The following PPFIA2 variants were observed in gnomAD, a reference collection of about 807,000 sequenced individuals.
The protein encoded by PPFIA2 is liprin-alpha-2.
Under a neutral mutation model 175.5 loss-of-function variants are expected in PPFIA2, and 46 were observed. That is an observed-to-expected ratio of 0.26 (90% CI 0.21 to 0.34). The LOEUF (loss-of-function observed/expected upper bound fraction) is 0.34, where lower values mean the gene tolerates loss of function less well. Ranked by LOEUF, PPFIA2 falls within the 10% of genes least tolerant of loss-of-function variation. The pLI, the probability that PPFIA2 is intolerant of heterozygous loss-of-function variation, is 1.00. For missense variants in PPFIA2, 1,179 were observed against 1,506.1 expected, an observed-to-expected ratio of 0.78 and a Z score of 3.60; for synonymous variants, 568 against 511.4, an observed-to-expected ratio of 1.11 and a Z score of -1.49.
chr12:81,369,005 G>C (rs1161361030), intron 12 of PPFIA2, 106 bp downstream of exon 12: 3 of 1,271,086 alleles, frequency 2.4e-6, no homozygotes, highest in Non-Finnish European at 3.2e-6. Context: ...GGTCATATTT[G>C]TAAGTTTTAA....
intron 22 of PPFIA2, among the ~76,000 whole-genome samples, chr12:81,309,406 A>G (rs967183716): frequency 2.0e-5 from 3 of 152,138 alleles, no homozygotes; most frequent in African/African-American, 7.2e-5. Flanking sequence ...ACAAATTCCA[A>G]TCAGTTGCTT....
intron 4 of PPFIA2, among the ~76,000 whole-genome samples, chr12:81,574,409 T>C (rs929046062): frequency 6.6e-5 from 10 of 151,794 alleles, no homozygotes; most frequent in African/African-American, 2.4e-4. Context: ...AGTTTTGATA[T>C]TCCTTGTATT....
intron 4 of PPFIA2, among the ~76,000 whole-genome samples, chr12:81,481,929 G>C (rs1489496330): frequency 2.6e-5 from 4 of 152,108 alleles, no homozygotes; most frequent in African/African-American, 9.7e-5. Context: ...CACAGCAAAA[G>C]AAACTATCAT....
intron 3 of PPFIA2, among the ~76,000 whole-genome samples, chr12:81,700,144 T>C (rs1410598266): frequency 6.6e-6 from 1 of 152,056 alleles, no homozygotes; most frequent in Non-Finnish European, 1.5e-5. Flanking sequence ...TCCTTGACCA[T>C]ATATCTTCAT....
At chr12:81,521,877 T>C (rs1371916895) in intron 4 of PPFIA2, among the ~76,000 whole-genome samples, 1 of 152,110 alleles carries the variant, frequency 6.6e-6, no homozygotes, top group Non-Finnish European at 1.5e-5. Context: ...TCTTGTATTA[T>C]GAAACTAAAT....
intron 15 of PPFIA2, among the ~76,000 whole-genome samples, chr12:81,361,655 T>G (rs1392642312): frequency 6.6e-6 from 1 of 151,638 alleles, no homozygotes; most frequent in Admixed American, 6.6e-5. Flanking sequence ...TACCAGATAT[T>G]CATTTATTCA....
intron 22 of PPFIA2, among the ~76,000 whole-genome samples, chr12:81,316,622 C>T (rs2052419958): frequency 2.0e-5 from 3 of 151,506 alleles, no homozygotes; most frequent in Non-Finnish European, 4.4e-5. Flanking sequence ...AGCTACATCT[C>T]GTGTTTTGAA....
intron 3 of PPFIA2, among the ~76,000 whole-genome samples, chr12:81,693,155 T>C (rs915822955): frequency 6.6e-6 from 1 of 152,104 alleles, no homozygotes; most frequent in Non-Finnish European, 1.5e-5. Flanking sequence ...TTAAGTCTCT[T>C]TTCAGGAAGC....
intron 4 of PPFIA2, among the ~76,000 whole-genome samples, chr12:81,572,375 A>G (rs2072712955): frequency 6.6e-6 from 1 of 151,928 alleles, no homozygotes; most frequent in South Asian, 2.1e-4. Flanking sequence ...CTTTATCACT[A>G]TCATCTTGTA....
chr12:81,739,564 T>G (rs1388232165), intron 3 of PPFIA2, among the ~76,000 whole-genome samples: 1 of 152,048 alleles, frequency 6.6e-6, no homozygotes, highest in Non-Finnish European at 1.5e-5. Flanking sequence ...AACTTTCAAT[T>G]CAATTACCAA....
intron 4 of PPFIA2, among the ~76,000 whole-genome samples, chr12:81,655,077 T>A (rs2067569085): frequency 6.6e-6 from 1 of 152,080 alleles, no homozygotes; most frequent in South Asian, 2.1e-4. Context: ...TCATCCACAA[T>A]TTTAGATTCA....
chr12:81,304,063 C>T (rs1014184404), intron 22 of PPFIA2, among the ~76,000 whole-genome samples: 4 of 152,192 alleles, frequency 2.6e-5, no homozygotes, highest in African/African-American at 7.2e-5. Flanking sequence ...TGCCTTATCT[C>T]CCCACATACT....
intron 28 of PPFIA2, among the ~76,000 whole-genome samples, chr12:81,273,738 T>C (rs888547253): frequency 6.6e-6 from 1 of 152,188 alleles, no homozygotes; most frequent in Non-Finnish European, 1.5e-5. Flanking sequence ...GATCTTTCTT[T>C]GGATTTAGAT....
chr12:81,384,687 T>A (rs556124746), intron 8 of PPFIA2, among the ~76,000 whole-genome samples: 1 of 152,206 alleles, frequency 6.6e-6, no homozygotes, highest in African/African-American at 2.4e-5. Context: ...CCTTGTAAAT[T>A]TTTAAGTTTT....
chr12:81,721,450 TAAAC>T (rs1026302829), intron 3 of PPFIA2, among the ~76,000 whole-genome samples: 6 of 145,474 alleles, frequency 4.1e-5, no homozygotes, highest in Admixed American at 2.1e-4. Context: ...CACACACACA[TAAAC>T]ACACACACAC....
At chr12:81,685,121 G>A (rs1230137611) in intron 3 of PPFIA2, among the ~76,000 whole-genome samples, 3 of 152,106 alleles carry the variant, frequency 2.0e-5, no homozygotes, top group African/African-American at 4.8e-5. Context: ...ACAGCACTGG[G>A]AATAAGTAAT....
At chr12:81,515,295 T>G (rs2062280281) in intron 4 of PPFIA2, among the ~76,000 whole-genome samples, 1 of 151,940 alleles carries the variant, frequency 6.6e-6, no homozygotes, top group Non-Finnish European at 1.5e-5. Context: ...AAAGAAACCT[T>G]TCCTGTAGGA....
intron 4 of PPFIA2, among the ~76,000 whole-genome samples, chr12:81,554,149 T>G (rs2068433854): frequency 6.6e-6 from 1 of 152,014 alleles, no homozygotes; most frequent in African/African-American, 2.4e-5. Context: ...GTAAAAATGA[T>G]AAGTCTGAAC....
intron 14 of PPFIA2, among the ~76,000 whole-genome samples, chr12:81,363,902 G>A (rs184150546): frequency 2.4e-4 from 37 of 151,868 alleles, no homozygotes; most frequent in African/African-American, 8.0e-4. Context: ...ACAAAAGTGC[G>A]CTGAGTACCT....
Sources: gnomAD v4.1 joint callset for allele counts (sites outside exome capture counted in the v4.1 genomes callset) on GRCh38, gnomAD v4.1.1 for gene constraint, MANE v1.5 for transcripts, NCBI Gene and HGNC (gene_info 2026-07-23, HGNC 2026-07-21) for gene names.